ATP6V1C2: variants seen among roughly 807,000 people sequenced by gnomAD.
The protein encoded by ATP6V1C2 is V-type proton ATPase subunit C 2.
ATP6V1C2 carries 45 observed loss-of-function variants against 56.8 expected under a neutral mutation model. The ratio of observed to expected loss-of-function variants is 0.79; its 90% CI spans 0.62 to 1.02. The LOEUF (loss-of-function observed/expected upper bound fraction) is 1.02, where lower values mean the gene tolerates loss of function less well. ATP6V1C2 is among the 50% of genes least tolerant of loss of function. ATP6V1C2 has a pLI of 0.00. For synonymous variants in ATP6V1C2, 220 were observed against 201.3 expected, an observed-to-expected ratio of 1.09 and a Z score of -0.79; for missense variants, 463 against 519.7, an observed-to-expected ratio of 0.89 and a Z score of 1.06.
intron 3 of ATP6V1C2, among the ~76,000 whole-genome samples, chr2:10,753,533 T>C (rs370259290): frequency 3.6e-4 from 46 of 128,362 alleles, no homozygotes; most frequent in African/African-American, 1.7e-3. Flanking sequence ...GCTATTAGCA[T>C]TTTTTTTTTT....
At chr2:10,754,273 C>T (rs1012259714) in intron 4 of ATP6V1C2, among the ~76,000 whole-genome samples, 2 of 152,238 alleles carry the variant, frequency 1.3e-5, no homozygotes, top group Middle Eastern at 3.4e-3. Flanking sequence ...CTGTTGCCCA[C>T]GCTGGAGTGT....
chr2:10,729,402 G>A (rs1281206951), intron 3 of ATP6V1C2, among the ~76,000 whole-genome samples: 6 of 151,856 alleles, frequency 4.0e-5, no homozygotes, highest in African/African-American at 7.3e-5. Flanking sequence ...GACCTCAAGT[G>A]ATTCATTGGA....
Position 10,772,464 on chromosome 2 carries a change from T to C in ATP6V1C2, c.570-78T>C, listed in dbSNP as rs141454042. ...ACCTTCAGGCCTTCAGGAAAAGGGG[T>C]GTGCAGCTTCCTAGGCACTCAGGAC... is the stretch of plus-strand genomic sequence containing the variant. On this transcript the variant is annotated intron_variant, in intron 7 of 13. Coordinates refer to ENST00000272238, the MANE Select transcript of ATP6V1C2 (RefSeq NM_001039362.2). 1.1e-3 allele frequency: 1,348 copies of C among 1,211,864 alleles called. 15 individuals are homozygous for C. In the African/African-American group the frequency reaches 0.018, roughly 16 times the overall value. The allele number at this position is 1,211,864 out of a possible 1,614,324, so 75.1% of individuals were successfully genotyped here.
chr2:10,750,172 C>T (rs115159182), intron 3 of ATP6V1C2, among the ~76,000 whole-genome samples: 1,607 of 152,262 alleles, frequency 0.011, 12 homozygotes, highest in Non-Finnish European at 0.017. Context: ...TATTCTGAGA[C>T]GTTTCTGGTG....
At chr2:10,740,753 G>A (rs1470531453) in intron 3 of ATP6V1C2, among the ~76,000 whole-genome samples, 1 of 152,138 alleles carries the variant, frequency 6.6e-6, no homozygotes, top group Non-Finnish European at 1.5e-5. Flanking sequence ...GTGGCGCTGT[G>A]TCAGCTCACT....
At chr2:10,764,492 G>GC (rs1449374060) in intron 5 of ATP6V1C2, 67 bp downstream of exon 5, 16 of 1,374,144 alleles carry the variant, frequency 1.2e-5, no homozygotes, top group Non-Finnish European at 1.7e-5. Context: ...CCTGGGTAGG[G>GC]CCCCCCTGCC....
rs1664072277 is a variant in ATP6V1C2, at chr2:10,763,931, G to A, written c.284-400G>A. On this transcript the variant is annotated intron_variant, in intron 4 of 13. Coordinates refer to ENST00000272238, the MANE Select transcript of ATP6V1C2 (RefSeq NM_001039362.2). The surrounding 1 kb of genome is among the most constrained non-coding windows in gnomAD (Gnocchi z 4.2). ...GGCATCCTGAAGGCAGTGGGTTTTG[G>A]GGAAAGAAAAGAAAAAAAGGAAATG... Among the ~76,000 whole-genome samples, 1 of 152,106 alleles carries A rather than the reference G, an allele frequency of 6.6e-6. No individual in the cohort carries two copies. Among genetic ancestry groups the A allele is most frequent in the Non-Finnish European group, 1.5e-5 (1 of 68,022 alleles).
intron 3 of ATP6V1C2, among the ~76,000 whole-genome samples, chr2:10,735,536 G>A (rs192137212): frequency 1.9e-3 from 288 of 151,396 alleles, no homozygotes; most frequent in African/African-American, 6.6e-3. Flanking sequence ...TTGGGCTGGA[G>A]CTCTAGAGAA....
chr2:10,729,563 A>G (rs1661843021), intron 3 of ATP6V1C2, among the ~76,000 whole-genome samples: 1 of 152,176 alleles, frequency 6.6e-6, no homozygotes, highest in Admixed American at 6.5e-5. Flanking sequence ...GTAGTAATAG[A>G]AGTAAGATCA....
In ATP6V1C2 at chr2:10,755,162, G is replaced by A. The variant is rs568502712; in HGVS notation, c.283+1096G>A. On this transcript the variant is annotated intron_variant, in intron 4 of 13. Transcript: ENST00000272238. Reference sequence around the variant, plus strand: ...AGTGATTCTCCCACTTCAGCCTCCCGAGTAGCTGGGATTACAGGCATATGC... The same window carrying A: ...AGTGATTCTCCCACTTCAGCCTCCCAAGTAGCTGGGATTACAGGCATATGC... 5.9e-5 allele frequency among the ~76,000 whole-genome samples: 9 copies of A among 152,130 alleles called. No individual in the cohort carries two copies. The South Asian group carries it at 1.5e-3, about 25-fold the overall frequency.
intron 3 of ATP6V1C2, among the ~76,000 whole-genome samples, chr2:10,727,536 A>G (rs1301106235): frequency 6.6e-6 from 1 of 152,024 alleles, no homozygotes; most frequent in Non-Finnish European, 1.5e-5. Flanking sequence ...AGCCTAGACA[A>G]CAGAGTGAGA....
At chr2:10,776,221 G>C (rs1664962405) in intron 10 of ATP6V1C2, among the ~76,000 whole-genome samples, 1 of 152,062 alleles carries the variant, frequency 6.6e-6, no homozygotes, top group Admixed American at 6.5e-5. Context: ...TTATATAGGG[G>C]GTTTTTCACC....
At chr2:10,752,484 A>T (rs919857414) in intron 3 of ATP6V1C2, among the ~76,000 whole-genome samples, 2 of 152,180 alleles carry the variant, frequency 1.3e-5, no homozygotes, top group African/African-American at 2.4e-5. Context: ...GAATGTGGAG[A>T]GAGAGCCTGA....
chr2:10,755,763 C>T (rs1663517933), intron 4 of ATP6V1C2, among the ~76,000 whole-genome samples: 1 of 152,186 alleles, frequency 6.6e-6, no homozygotes, highest in Non-Finnish European at 1.5e-5. Flanking sequence ...CCTTCCTGTG[C>T]TGAGGAAGGC....
chr2:10,747,602 G>A (rs990840075), intron 3 of ATP6V1C2, among the ~76,000 whole-genome samples: 2 of 152,058 alleles, frequency 1.3e-5, no homozygotes, highest in African/African-American at 4.8e-5. Context: ...GCACATTTCT[G>A]TAGTCTCAGC....
In ATP6V1C2 at chr2:10,784,998, G is replaced by A. The variant is rs11545888; in HGVS notation, c.*1735G>A. ...GGTAGGGAAAGCCCCGCCTCCTACA[G>A]GTGCCGTGGAGCCACGCCCAAAAGA... On this transcript the variant is annotated 3_prime_UTR_variant, in exon 14 of 14. Transcript: ENST00000272238. The A allele has an allele frequency of 1.3e-6, 2 of 1,586,182 alleles. No individual in the cohort carries two copies. The highest frequency in any genetic ancestry group is 1.8e-5 in the Admixed American group (1 of 56,804).
intron 3 of ATP6V1C2, among the ~76,000 whole-genome samples, chr2:10,737,007 C>T (rs1662285727): frequency 6.6e-6 from 1 of 151,972 alleles, no homozygotes; most frequent in Non-Finnish European, 1.5e-5. Context: ...CCTTGGCCTC[C>T]CAAAGTGCTG....
chr2:10,773,058 G>A (rs1035242782), intron 8 of ATP6V1C2, among the ~76,000 whole-genome samples: 6 of 152,358 alleles, frequency 3.9e-5, no homozygotes, highest in East Asian at 1.9e-4. Flanking sequence ...AGTGGGTCCT[G>A]TCACAGTGAC....
chr2:10,764,120 G>A (rs1285835660), intron 4 of ATP6V1C2, among the ~76,000 whole-genome samples: 2 of 152,152 alleles, frequency 1.3e-5, no homozygotes, highest in African/African-American at 2.4e-5. Flanking sequence ...GATTGAAACT[G>A]TCTAGTGCTT....
Sources: gnomAD v4.1 joint callset for allele counts (sites outside exome capture counted in the v4.1 genomes callset) on GRCh38, gnomAD v4.1.1 for gene constraint, Gnocchi (gnomAD v3.1) non-coding constraint, MANE v1.5 for transcripts, NCBI Gene and HGNC (gene_info 2026-07-23, HGNC 2026-07-21) for gene names.